The following PAK5 variants were observed in gnomAD, a reference collection of about 807,000 sequenced individuals.
PAK5 encodes serine/threonine-protein kinase PAK 5.
In PAK5, 16 loss-of-function variants were observed where a neutral mutation model predicts 65.9. That is an observed-to-expected ratio of 0.24 (90% CI 0.16 to 0.37). The LOEUF is 0.37. PAK5 is among the 10% of genes least tolerant of loss of function. The pLI, the probability that PAK5 is intolerant of heterozygous loss-of-function variation, is 1.00. For synonymous variants in PAK5, 371 were observed against 354.9 expected (o/e 1.05, Z -0.51); for missense variants, 785 against 903.9 (o/e 0.87, Z 1.69).
intron 5 of PAK5, 63 bp downstream of exon 5, chr20:9,565,830 A>G (rs775651514): frequency 5.2e-5 from 77 of 1,494,932 alleles, no homozygotes; most frequent in Non-Finnish European, 6.5e-5. Context: ...CATGTGTATA[A>G]CTTTTGAAAT....
intron 1 of PAK5, among the ~76,000 whole-genome samples, chr20:9,830,014 G>A (rs1023494148): frequency 6.6e-6 from 1 of 152,088 alleles, no homozygotes; most frequent in African/African-American, 2.4e-5. Flanking sequence ...ACTGGGCCCA[G>A]GAGCCCCATG....
At chr20:9,605,947 A>G (rs1007710162) in intron 3 of PAK5, among the ~76,000 whole-genome samples, 1 of 152,132 alleles carries the variant, frequency 6.6e-6, no homozygotes, top group African/African-American at 2.4e-5. Flanking sequence ...AGTGAAGAGA[A>G]TTTAGACAGA....
chr20:9,597,768 T>C (rs1427530332), intron 3 of PAK5, among the ~76,000 whole-genome samples: 2 of 152,176 alleles, frequency 1.3e-5, no homozygotes, highest in African/African-American at 4.8e-5. Flanking sequence ...AAGTCTGTAC[T>C]AGCCTGGTGA....
At chr20:9,834,344 C>A (rs1490831463) in intron 1 of PAK5, among the ~76,000 whole-genome samples, 1 of 152,116 alleles carries the variant, frequency 6.6e-6, no homozygotes, top group Non-Finnish European at 1.5e-5. Flanking sequence ...GAATGAGAGA[C>A]ATTAAGTCAC....
intron 3 of PAK5, among the ~76,000 whole-genome samples, chr20:9,639,336 C>A (rs2047021580): frequency 6.6e-6 from 1 of 152,106 alleles, no homozygotes. Context: ...TAACTGAACT[C>A]ATATGTGGAG....
intron 3 of PAK5, among the ~76,000 whole-genome samples, chr20:9,634,215 G>A (rs753919332): frequency 6.6e-6 from 1 of 152,160 alleles, no homozygotes; most frequent in Non-Finnish European, 1.5e-5. Flanking sequence ...AGCTGCAGGT[G>A]TGATAGATGT....
At chr20:9,583,328 C>T (rs964675002) in intron 3 of PAK5, among the ~76,000 whole-genome samples, 1 of 152,198 alleles carries the variant, frequency 6.6e-6, no homozygotes, top group African/African-American at 2.4e-5. Context: ...TGGGCCCCAC[C>T]ATCTGCCAGT....
At chr20:9,562,746 C>T in intron 6 of PAK5, 145 bp downstream of exon 6, 1 of 674,140 alleles carries the variant, frequency 1.5e-6, no homozygotes, top group Non-Finnish European at 2.6e-6. Context: ...GCATAATGGG[C>T]CCTCTGGGGA....
intron 1 of PAK5, among the ~76,000 whole-genome samples, chr20:9,774,937 C>G (rs571601006): frequency 8.9e-4 from 135 of 152,208 alleles, no homozygotes; most frequent in African/African-American, 2.9e-3. Flanking sequence ...GCCTGGGCGG[C>G]AGAGCGAGAC....
chr20:9,685,911 G>A (rs2047712911), intron 2 of PAK5, among the ~76,000 whole-genome samples: 1 of 152,154 alleles, frequency 6.6e-6, no homozygotes, highest in Non-Finnish European at 1.5e-5. Context: ...GGAAGTTTCT[G>A]ATAAAAAAAT....
At chr20:9,595,815 T>A (rs1291416601) in intron 3 of PAK5, among the ~76,000 whole-genome samples, 1 of 152,198 alleles carries the variant, frequency 6.6e-6, no homozygotes, top group African/African-American at 2.4e-5. Context: ...AAAGCTTGGC[T>A]TTCCTAGAGG....
intron 2 of PAK5, among the ~76,000 whole-genome samples, chr20:9,706,625 C>T (rs1260891614): frequency 6.6e-6 from 1 of 151,408 alleles, no homozygotes; most frequent in Non-Finnish European, 1.5e-5. Context: ...ACCACAGGTG[C>T]ATGCCACCAT....
intron 2 of PAK5, among the ~76,000 whole-genome samples, chr20:9,646,724 A>G (rs6516482): frequency 0.22 from 32,889 of 152,204 alleles, 3,748 homozygotes; most frequent in South Asian, 0.37. Context: ...TATGACACCA[A>G]TACGCACTGT....
chr20:9,551,888 G>C (rs553381897), intron 7 of PAK5, among the ~76,000 whole-genome samples: 41 of 152,292 alleles, frequency 2.7e-4, no homozygotes, highest in African/African-American at 8.7e-4. Flanking sequence ...GAACGTTATG[G>C]AAAAAGCAGA....
chr20:9,827,725 C>T (rs553499790), intron 1 of PAK5, among the ~76,000 whole-genome samples: 1 of 152,178 alleles, frequency 6.6e-6, no homozygotes, highest in Admixed American at 6.5e-5. Flanking sequence ...TGAAAGAGAA[C>T]AGATAGGAGG....
chr20:9,661,439 AT>A (rs1253900143), intron 2 of PAK5, among the ~76,000 whole-genome samples: 2 of 152,094 alleles, frequency 1.3e-5, no homozygotes, highest in Non-Finnish European at 2.9e-5. Flanking sequence ...CTGTTATCTC[AT>A]TATCTGTTGC....
intron 1 of PAK5, among the ~76,000 whole-genome samples, chr20:9,727,549 T>A (rs201060878): frequency 6.6e-6 from 1 of 152,212 alleles, no homozygotes; most frequent in Non-Finnish European, 1.5e-5. Flanking sequence ...ATTGTTACTA[T>A]GCTATTTGCC....
At chr20:9,576,671 C>T (rs1021153617) in intron 4 of PAK5, among the ~76,000 whole-genome samples, 1 of 152,210 alleles carries the variant, frequency 6.6e-6, no homozygotes, top group Non-Finnish European at 1.5e-5. Flanking sequence ...AGGCAGGTTG[C>T]AGGCTTTGCA....
intron 9 of PAK5, among the ~76,000 whole-genome samples, chr20:9,541,855 A>T (rs2045269379): frequency 6.6e-6 from 1 of 152,174 alleles, no homozygotes; most frequent in African/African-American, 2.4e-5. Flanking sequence ...GAGAGCTGAT[A>T]GTTTTATAAG....
Sources: gnomAD v4.1 joint callset for allele counts (sites outside exome capture counted in the v4.1 genomes callset) on GRCh38, gnomAD v4.1.1 for gene constraint, MANE v1.5 for transcripts, NCBI Gene and HGNC (gene_info 2026-07-23, HGNC 2026-07-21) for gene names.